The following RAB2A variants were observed in gnomAD, a reference collection of about 807,000 sequenced individuals.
RAB2A encodes RAB2A, member RAS oncogene family, also known as ras-related protein Rab-2A.
A neutral mutation model predicts 32.5 loss-of-function variants in RAB2A; 7 were observed. The ratio of observed to expected loss-of-function variants is 0.22; its 90% confidence interval spans 0.12 to 0.40. RAB2A has a LOEUF of 0.40. Ranked by LOEUF, RAB2A falls within the 10% of genes least tolerant of loss-of-function variation. The pLI, the probability that RAB2A is intolerant of heterozygous loss-of-function variation, is 1.00. For missense variants in RAB2A, 108 were observed against 260.7 expected (o/e 0.41, Z 4.03); for synonymous variants, 79 against 85.2 (o/e 0.93, Z 0.40).
In RAB2A at chr8:60,557,227, C is replaced by G. The variant is rs147897987; in HGVS notation, c.47-1625C>G. On this transcript the variant is annotated intron_variant, in intron 1 of 7. Coordinates refer to ENST00000262646, the MANE Select transcript of RAB2A (RefSeq NM_002865.3). Reference sequence around the variant, plus strand: ...TGTCATTTCTTCAGAAAGATTTTCTCCATCCCAGCCGGGCATGGTAGCTCA... The same window carrying G: ...TGTCATTTCTTCAGAAAGATTTTCTGCATCCCAGCCGGGCATGGTAGCTCA... Among the ~76,000 whole-genome samples, 118 of 152,260 alleles carry G rather than the reference C, an allele frequency of 7.7e-4. No homozygotes were observed. In the Middle Eastern group the frequency reaches 0.01, roughly 13 times the overall value.
chr8:60,575,294 CTTGTT>C (rs1377021197), intron 3 of RAB2A, among the ~76,000 whole-genome samples: 2 of 151,830 alleles, frequency 1.3e-5, no homozygotes, highest in African/African-American at 4.8e-5. Flanking sequence ...GAGATGGAGT[CTTGTT>C]ATGTTTCCCA....
intron 6 of RAB2A, 35 bp from the exon 7 acceptor site, chr8:60,618,545 T>C (rs771753088): frequency 2.8e-6 from 3 of 1,087,576 alleles, no homozygotes; most frequent in Non-Finnish European, 1.2e-6. Context: ...CTGCTTTGGT[T>C]TTATATAATA....
chr8:60,552,739 T>C (rs1586078688), intron 1 of RAB2A: 1 of 152,220 alleles, frequency 6.6e-6, no homozygotes, highest in Non-Finnish European at 1.5e-5. Flanking sequence ...CACAGTTGGT[T>C]AAACCCCTCC....
At chr8:60,570,636 T>C (rs1808185030) in intron 2 of RAB2A, among the ~76,000 whole-genome samples, 1 of 152,154 alleles carries the variant, frequency 6.6e-6, no homozygotes, top group Non-Finnish European at 1.5e-5. Flanking sequence ...ATTTTTCAAT[T>C]TTTCATTTTT....
chr8:60,617,973 A>G (rs1214139045), intron 6 of RAB2A, among the ~76,000 whole-genome samples: 1 of 152,224 alleles, frequency 6.6e-6, no homozygotes, highest in Non-Finnish European at 1.5e-5. Context: ...GAGTTGTAGT[A>G]TTGTGGCGTT....
chr8:60,521,923 G>A (rs2130804135), intron 1 of RAB2A, among the ~76,000 whole-genome samples: 1 of 152,302 alleles, frequency 6.6e-6, no homozygotes, highest in South Asian at 2.1e-4. Context: ...CGGCAAGGCA[G>A]CATTTGTTTC....
At chr8:60,556,644 A>T (rs1807943533) in intron 1 of RAB2A, among the ~76,000 whole-genome samples, 2 of 137,034 alleles carry the variant, frequency 1.5e-5, no homozygotes, top group Admixed American at 7.0e-5. Flanking sequence ...TTTTTAATAA[A>T]AAAAAAAAAA....
chr8:60,552,387 C>G (rs1261898434), intron 1 of RAB2A: 1 of 152,264 alleles, frequency 6.6e-6, no homozygotes. Context: ...ATCCTCCTGC[C>G]TCAGCCTCCT....
At chr8:60,606,022 G>T (rs550944331) in intron 6 of RAB2A, among the ~76,000 whole-genome samples, 1 of 151,910 alleles carries the variant, frequency 6.6e-6, no homozygotes, top group African/African-American at 2.4e-5. Context: ...GGTGGCTTGC[G>T]CCTGTAGTCC....
intron 2 of RAB2A, chr8:60,569,848 A>T (rs765572924): frequency 3.0e-5 from 12 of 399,774 alleles, no homozygotes; most frequent in Non-Finnish European, 6.0e-5. Context: ...AGACGAACAT[A>T]CTAAAACCCA....
At chr8:60,537,905 C>T (rs2130814866) in intron 1 of RAB2A, among the ~76,000 whole-genome samples, 1 of 152,200 alleles carries the variant, frequency 6.6e-6, no homozygotes, top group East Asian at 1.9e-4. Context: ...GTGTCAAACT[C>T]CTGGCCTCAA....
intron 1 of RAB2A, among the ~76,000 whole-genome samples, chr8:60,525,325 C>T (rs1211665976): frequency 1.3e-5 from 2 of 152,168 alleles, no homozygotes; most frequent in Non-Finnish European, 2.9e-5. Flanking sequence ...CTCCTGCCGC[C>T]ACGTAATATG....
At chr8:60,611,081 T>C (rs912957317) in intron 6 of RAB2A, among the ~76,000 whole-genome samples, 5 of 152,228 alleles carry the variant, frequency 3.3e-5, no homozygotes, top group African/African-American at 1.2e-4. Context: ...TCCTGTTAAT[T>C]TCTTCACAAC....
At chr8:60,601,823 C>T (rs185396552) in intron 6 of RAB2A, among the ~76,000 whole-genome samples, 1 of 152,304 alleles carries the variant, frequency 6.6e-6, no homozygotes, top group Admixed American at 6.5e-5. Context: ...TATTTTTCTA[C>T]ATCATGTATA....
chr8:60,614,203 C>A (rs948250232), intron 6 of RAB2A, among the ~76,000 whole-genome samples: 1 of 104,378 alleles, frequency 9.6e-6, no homozygotes, highest in Non-Finnish European at 2.1e-5. Flanking sequence ...GCACAATATC[C>A]GTGAGACCTG....
At chr8:60,521,572 T>C (rs1378867022) in intron 1 of RAB2A, among the ~76,000 whole-genome samples, 1 of 152,242 alleles carries the variant, frequency 6.6e-6, no homozygotes, top group East Asian at 1.9e-4. Context: ...CATAATATAG[T>C]TCAAATTAGT....
intron 1 of RAB2A, among the ~76,000 whole-genome samples, chr8:60,540,932 C>T (rs1047810185): frequency 6.6e-6 from 1 of 152,168 alleles, no homozygotes; most frequent in Non-Finnish European, 1.5e-5. Context: ...GGGCAGAAGT[C>T]AACTCTTCTA....
intron 1 of RAB2A, among the ~76,000 whole-genome samples, chr8:60,530,771 A>G (rs1021981306): frequency 2.0e-5 from 3 of 152,116 alleles, no homozygotes; most frequent in Non-Finnish European, 2.9e-5. Flanking sequence ...AGTCATATAG[A>G]CAAAGATCAA....
At chr8:60,592,392 T>C (rs1273985822) in intron 6 of RAB2A, among the ~76,000 whole-genome samples, 1 of 152,190 alleles carries the variant, frequency 6.6e-6, no homozygotes, top group Non-Finnish European at 1.5e-5. Flanking sequence ...TCGTGTTGCA[T>C]GGTAGGGAAA....
Sources: gnomAD v4.1 joint callset for allele counts (sites outside exome capture counted in the v4.1 genomes callset) on GRCh38, gnomAD v4.1.1 for gene constraint, MANE v1.5 for transcripts, NCBI Gene and HGNC (gene_info 2026-07-23, HGNC 2026-07-21) for gene names.